DISC1: variants seen among roughly 807,000 people sequenced by gnomAD.
DISC1 encodes disrupted in schizophrenia 1 protein.
In DISC1, 57 loss-of-function variants were observed where a neutral mutation model predicts 84.5. The ratio of observed to expected loss-of-function variants is 0.67; its 90% CI spans 0.55 to 0.84. The LOEUF (loss-of-function observed/expected upper bound fraction) is 0.84. Among genes scored for constraint, DISC1 ranks in the 40% least tolerant of loss-of-function variants. The pLI is 0.00. For synonymous variants in DISC1, 411 were observed against 415.2 expected, an observed-to-expected ratio of 0.99 and a Z score of 0.12; for missense variants, 1,000 against 1,057.8, an observed-to-expected ratio of 0.95 and a Z score of 0.76.
chr1:231,968,764 G>T (rs1661482486), intron 10 of DISC1, among the ~76,000 whole-genome samples: 1 of 151,946 alleles, frequency 6.6e-6, no homozygotes, highest in Admixed American at 6.6e-5. Context: ...GCTCATGAAG[G>T]GGCCTCATGA....
rs371764614 is a variant in DISC1, at chr1:231,755,220, T to G, written c.1268+5144T>G. Among the ~76,000 whole-genome samples the G allele has an allele frequency of 2.2e-3, 341 of 152,170 alleles. 3 individuals carry two copies. Among genetic ancestry groups the G allele is most frequent in the African/African-American group, 7.8e-3 (326 of 41,534 alleles). On this transcript the variant is annotated intron_variant, in intron 4 of 12. Coordinates refer to ENST00000439617, the MANE Select transcript of DISC1 (RefSeq NM_018662.3). Reference sequence around the variant, plus strand: ...CTCTCCCTTTCTTCTTAATTTTTTTTTTTTGAGACAGAGTCTCACTCTATT... The same window carrying G: ...CTCTCCCTTTCTTCTTAATTTTTTTGTTTTGAGACAGAGTCTCACTCTATT...
intron 10 of DISC1, among the ~76,000 whole-genome samples, chr1:231,963,886 G>C (rs1472198198): frequency 6.6e-6 from 1 of 152,104 alleles, no homozygotes; most frequent in Non-Finnish European, 1.5e-5. Flanking sequence ...GTGACTGGGG[G>C]CTGCATGCAC....
intron 9 of DISC1, among the ~76,000 whole-genome samples, chr1:231,848,943 G>A (rs759344401): frequency 1.3e-5 from 2 of 152,012 alleles, no homozygotes; most frequent in Non-Finnish European, 2.9e-5. Context: ...GTGAAACAAC[G>A]AATAAATGAG....
intron 3 of DISC1, among the ~76,000 whole-genome samples, chr1:231,747,597 C>T (rs1325426660): frequency 6.6e-6 from 1 of 152,166 alleles, no homozygotes; most frequent in African/African-American, 2.4e-5. Flanking sequence ...TTTCTGGATT[C>T]TCAATACTGT....
intron 1 of DISC1, among the ~76,000 whole-genome samples, chr1:231,649,415 T>C (rs1360003236): frequency 6.6e-6 from 1 of 152,236 alleles, no homozygotes; most frequent in Admixed American, 6.5e-5. Context: ...CACTGTGGTC[T>C]GAGAGACAGT....
At chr1:231,931,266 G>A (rs77613250) in intron 9 of DISC1, among the ~76,000 whole-genome samples, 597 of 152,296 alleles carry the variant, frequency 3.9e-3, no homozygotes, top group Non-Finnish European at 6.8e-3. Context: ...AGTCAGTGGT[G>A]TTCAGAGCCC....
chr1:232,031,513 AAG>A lies in DISC1; in HGVS notation c.2425+4963_2425+4964del, dbSNP rs770227399. Among the ~76,000 whole-genome samples the A allele has an allele frequency of 1.3e-5, 2 of 152,040 alleles. No homozygotes were observed. The highest frequency in any genetic ancestry group is 2.4e-5 in the African/African-American group (1 of 41,500). On this transcript the variant is annotated intron_variant, in intron 12 of 12. Coordinates refer to ENST00000439617, the MANE Select transcript of DISC1 (RefSeq NM_018662.3). The surrounding 1 kb of genome is among the most constrained non-coding windows in gnomAD (Gnocchi z 4.6). ...GAAAGAAAGAAAGGAAAGGAAAGGA[AAG>A]AAAGAAAAGGAAAGGAAAGAAAGAA...
At chr1:231,794,001 C>T (rs1573869697) in intron 6 of DISC1, among the ~76,000 whole-genome samples, 1 of 152,134 alleles carries the variant, frequency 6.6e-6, no homozygotes. Flanking sequence ...CCACGCTGCT[C>T]GCGAACTCCT....
intron 8 of DISC1, among the ~76,000 whole-genome samples, chr1:231,806,636 G>A (rs988515026): frequency 1.3e-5 from 2 of 151,942 alleles, no homozygotes; most frequent in African/African-American, 4.8e-5. Context: ...ACAAACTGAG[G>A]TCCTGCAGGG....
Position 231,627,736 on chromosome 1 carries a change from G to T in DISC1, c.67+802G>T, listed in dbSNP as rs139826060. Among the ~76,000 whole-genome samples the T allele has an allele frequency of 8.5e-5, 13 of 152,352 alleles. No individual in the cohort carries two copies. The East Asian group carries it at 2.1e-3, about 25-fold the overall frequency. The stretch of plus-strand genomic sequence containing the variant: ...TCTTGCTGGGTGAGGACAGGGCTGG[G>T]TCAGTCGCTTAACCTCTCAGAGCCT... On this transcript the variant is annotated intron_variant, in intron 1 of 12. Coordinates refer to ENST00000439617, the MANE Select transcript of DISC1 (RefSeq NM_018662.3).
chr1:232,017,239 C>G (rs999743528), intron 11 of DISC1, among the ~76,000 whole-genome samples: 1 of 152,124 alleles, frequency 6.6e-6, no homozygotes, highest in Non-Finnish European at 1.5e-5. Flanking sequence ...GATGCATCAG[C>G]TAAGCTCATG....
At chr1:231,978,733 T>C (rs1272389808) in intron 10 of DISC1, among the ~76,000 whole-genome samples, 2 of 152,220 alleles carry the variant, frequency 1.3e-5, no homozygotes, top group African/African-American at 2.4e-5. Flanking sequence ...ACTTCATTGT[T>C]TTCTGATGTA....
intron 1 of DISC1, among the ~76,000 whole-genome samples, chr1:231,678,631 C>G (rs551483695): frequency 1.3e-5 from 2 of 152,274 alleles, no homozygotes; most frequent in Non-Finnish European, 2.9e-5. Context: ...AGTCTAAATT[C>G]AGAACTCTCT....
chr1:231,943,531 G>T (rs2091460868), intron 9 of DISC1, among the ~76,000 whole-genome samples: 1 of 152,180 alleles, frequency 6.6e-6, no homozygotes, highest in Admixed American at 6.5e-5. Flanking sequence ...GTGGTTGGGG[G>T]TGTGGGTTCT....
intron 1 of DISC1, among the ~76,000 whole-genome samples, chr1:231,659,220 T>C (rs2061384961): frequency 6.6e-6 from 1 of 152,186 alleles, no homozygotes; most frequent in Admixed American, 6.5e-5. Context: ...AGGGTGTATG[T>C]GTCTAGGAAT....
intron 10 of DISC1, chr1:231,959,122 G>C: frequency 1.6e-6 from 2 of 1,219,530 alleles, no homozygotes; most frequent in Non-Finnish European, 2.0e-6. Context: ...AGAGATCACA[G>C]GAGAGTTTTC....
In DISC1 at chr1:232,041,190, A is replaced by G; in HGVS notation, c.*4359A>G. 1 of 152,224 alleles carries G rather than the reference A, an allele frequency of 6.6e-6. No homozygotes were observed. Among genetic ancestry groups the G allele is most frequent in the Non-Finnish European group, 1.5e-5 (1 of 68,034 alleles). The allele number at this position is 152,224 out of a possible 1,614,324, so 9.4% of individuals were successfully genotyped here. ...GATGATAGAAAAATGTATCAGGTTT[A>G]TTCATCTCATCTTTCTGTTACAGGA... On this transcript the variant is annotated 3_prime_UTR_variant, in exon 13 of 13. Transcript: ENST00000439617.
In DISC1 at chr1:231,987,772, T is replaced by G. The variant is rs183708787; in HGVS notation, c.2043-21013T>G. 2.0e-5 allele frequency among the ~76,000 whole-genome samples: 3 copies of G among 152,320 alleles called. No individual in the cohort carries two copies. In the East Asian group the frequency reaches 5.8e-4, roughly 29 times the overall value. On this transcript the variant is annotated intron_variant, in intron 10 of 12. Coordinates refer to ENST00000439617, the MANE Select transcript of DISC1 (RefSeq NM_018662.3). ...GATCTAAGAAAGTGCCAGTAATACC[T>G]GTCTGAGCTTGTTTTGTGACGTGTA...
At chr1:231,771,099 G>A (rs369619244) in intron 6 of DISC1, 29 bp downstream of exon 6, 45 of 1,546,280 alleles carry the variant, frequency 2.9e-5, no homozygotes, top group Non-Finnish European at 3.8e-5. Context: ...CTGATTTTGG[G>A]TCGCTCGCCT....
Sources: allele counts gnomAD v4.1 joint callset (sites outside exome capture counted in the v4.1 genomes callset), GRCh38; gene constraint gnomAD v4.1.1; non-coding constraint Gnocchi (gnomAD v3.1); transcripts MANE v1.5; gene names NCBI Gene and HGNC (gene_info 2026-07-23, HGNC 2026-07-21).